IARS1: variants seen among roughly 807,000 people sequenced by gnomAD.
IARS1 encodes isoleucyl-tRNA synthetase 1, also known as isoleucine--tRNA ligase, cytoplasmic.
IARS1 carries 124 observed loss-of-function variants against 168.2 expected under a neutral mutation model. The ratio of observed to expected loss-of-function variants is 0.74; its 90% confidence interval spans 0.64 to 0.86. The LOEUF (loss-of-function observed/expected upper bound fraction) is 0.86. Among genes scored for constraint, IARS1 ranks in the 40% least tolerant of loss-of-function variants. The pLI is 0.00. For synonymous variants in IARS1, 532 were observed against 529.4 expected (o/e 1.00, Z -0.07); for missense variants, 1,452 against 1,515.8 (o/e 0.96, Z 0.70).
intron 22 of IARS1, chr9:92,251,164 G>A (rs780739593): frequency 1.7e-4 from 81 of 467,154 alleles, no homozygotes; most frequent in Non-Finnish European, 3.8e-5. Flanking sequence ...CTGTAAACTG[G>A]GGAAAATACC....
chr9:92,266,948 AG>A (rs896356246), intron 14 of IARS1, among the ~76,000 whole-genome samples: 4 of 152,216 alleles, frequency 2.6e-5, no homozygotes, highest in Admixed American at 2.0e-4. Flanking sequence ...AGACTAAAAC[AG>A]GAAGTATTTG....
Position 92,245,058 on chromosome 9 carries a change from CACA to C in IARS1, c.2802_2804del (p.Val935del). 6.2e-7 allele frequency: 1 copy of C among 1,614,086 alleles called. No individual in the cohort carries two copies. The highest frequency in any genetic ancestry group is 1.3e-5 in the African/African-American group (1 of 75,032). On this transcript the variant is annotated inframe_deletion, in exon 27 of 34. Coordinates refer to ENST00000443024, the MANE Select transcript of IARS1 (RefSeq NM_002161.6). Reference sequence around the variant, plus strand: ...CTTCATCGTGCAATTCATGGCCTTCCACAACAATGGTCCCTATGGAGAAGCAGC... The same window carrying C: ...CTTCATCGTGCAATTCATGGCCTTCCACAATGGTCCCTATGGAGAAGCAGC...
At chr9:92,260,377 C>T (rs567915353) in intron 17 of IARS1, 143 bp from the exon 18 acceptor site, 212 of 669,634 alleles carry the variant, frequency 3.2e-4, no homozygotes, top group Non-Finnish European at 4.2e-4. Context: ...GCTAATAGGC[C>T]GGGCGCGGTG....
At position 92,244,889 on chromosome 9, in the gene IARS1, C is replaced by T. The variant is rs536647507; in HGVS notation, c.2904+70G>A. 39 of 1,247,446 alleles carry T rather than the reference C, an allele frequency of 3.1e-5. No homozygotes were observed. The South Asian group carries it at 4.3e-4, about 14-fold the overall frequency. The allele number at this position is 1,247,446 out of a possible 1,614,324, so 77.3% of individuals were successfully genotyped here. ...GCTGTCAACATTATCAGGAAAGGCA[C>T]AGGCAAATACTTTCTCCTCTTATGC... On this transcript the variant is annotated intron_variant, in intron 27 of 33. Transcript: ENST00000443024.
At chr9:92,234,069 T>A (rs1827123094) in intron 30 of IARS1, among the ~76,000 whole-genome samples, 1 of 152,210 alleles carries the variant, frequency 6.6e-6, no homozygotes, top group Admixed American at 6.5e-5. Context: ...CCTAGCATCT[T>A]TTTTTAAGTG....
chr9:92,277,950 A>G (rs202246075), intron 8 of IARS1, 27 bp from the exon 9 acceptor site: 4 of 1,602,782 alleles, frequency 2.5e-6, no homozygotes, highest in South Asian at 1.1e-5. Flanking sequence ...GCAAACTCAC[A>G]ATTAGATTAA....
At chr9:92,226,176 T>C (rs1446787197) in intron 31 of IARS1, among the ~76,000 whole-genome samples, 2 of 152,234 alleles carry the variant, frequency 1.3e-5, no homozygotes, top group Admixed American at 1.3e-4. Context: ...CTTGTAGAAT[T>C]TTACTTGGTT....
At chr9:92,267,422 G>A (rs1832435549) in intron 14 of IARS1, among the ~76,000 whole-genome samples, 1 of 152,220 alleles carries the variant, frequency 6.6e-6, no homozygotes, top group African/African-American at 2.4e-5. Context: ...TTGGACAGAA[G>A]GCCAAACACA....
intron 14 of IARS1, among the ~76,000 whole-genome samples, chr9:92,266,582 A>C (rs566402111): frequency 4.1e-4 from 63 of 152,334 alleles, no homozygotes; most frequent in African/African-American, 1.4e-3. Context: ...CCAGTGTGGC[A>C]GTATTGACAG....
In IARS1 at chr9:92,242,154, CTG is replaced by C. The variant is rs930273552; in HGVS notation, c.3175_3176del (p.Gln1059ValfsTer5). Reference protein sequence around the residue: ...SDKVLIQEKTQLKGSELEITL... With the variant: ...SDKVLIQEKTXLKGSELEITL... ...TAGTTCAGTGGAACTCAGGACTCAC[CTG>C]TGTTTTTTCTTGAATAAGGACTTTA... is the stretch of plus-strand genomic sequence containing the variant. On this transcript the variant is annotated frameshift_variant and splice_region_variant, in exon 29 of 34. Coordinates refer to ENST00000443024, the MANE Select transcript of IARS1 (RefSeq NM_002161.6). LOFTEE classifies it high-confidence loss of function. 6.2e-7 allele frequency: 1 copy of C among 1,612,508 alleles called. No individual in the cohort carries two copies. Among genetic ancestry groups the C allele is most frequent in the African/African-American group, 1.3e-5 (1 of 74,876 alleles).
chr9:92,260,649 T>C (rs1011991458), intron 17 of IARS1, among the ~76,000 whole-genome samples: 1 of 152,140 alleles, frequency 6.6e-6, no homozygotes, highest in African/African-American at 2.4e-5. Context: ...AGCAAGACTC[T>C]GTCTCAAAAA....
chr9:92,231,419 T>C (rs997273897), intron 30 of IARS1, among the ~76,000 whole-genome samples: 12 of 150,990 alleles, frequency 7.9e-5, no homozygotes, highest in Non-Finnish European at 1.3e-4. Flanking sequence ...TTTTTCTTTT[T>C]TTTTTTTTTT....
chr9:92,289,020 G>A (rs1587907407), intron 2 of IARS1, among the ~76,000 whole-genome samples: 1 of 151,824 alleles, frequency 6.6e-6, no homozygotes, highest in South Asian at 2.1e-4. Flanking sequence ...ACCAGCCTGG[G>A]CAACATGGTG....
intron 23 of IARS1, 129 bp downstream of exon 23, chr9:92,250,584 T>A: frequency 9.5e-7 from 1 of 1,049,542 alleles, no homozygotes; most frequent in Non-Finnish European, 1.4e-6. Flanking sequence ...CCTGAGGAGT[T>A]CATGTCAGCT....
At chr9:92,219,826 T>G (rs1161725805) in intron 33 of IARS1, among the ~76,000 whole-genome samples, 2 of 146,462 alleles carry the variant, frequency 1.4e-5, no homozygotes, top group African/African-American at 5.2e-5. Context: ...GGTGGGACTG[T>G]AAACTAGTTC....
chr9:92,235,513 ATTTTTT>A (rs558342421), intron 30 of IARS1, among the ~76,000 whole-genome samples: 1 of 114,202 alleles, frequency 8.8e-6, no homozygotes, highest in African/African-American at 3.6e-5. Context: ...AATTACATTG[ATTTTTT>A]TTTTTTTTTT....
intron 27 of IARS1, among the ~76,000 whole-genome samples, chr9:92,244,437 A>G (rs1009739584): frequency 6.6e-6 from 1 of 152,332 alleles, no homozygotes; most frequent in South Asian, 2.1e-4. Flanking sequence ...GCGAGATCTT[A>G]CAACTATGCT....
intron 19 of IARS1, among the ~76,000 whole-genome samples, chr9:92,258,404 AC>A (rs1226502964): frequency 5.9e-5 from 9 of 152,060 alleles, no homozygotes; most frequent in Non-Finnish European, 1.2e-4. Context: ...GATCAGCCTG[AC>A]CAACATGATG....
At chr9:92,218,945 A>C (rs1839226701) in intron 33 of IARS1, among the ~76,000 whole-genome samples, 1 of 152,172 alleles carries the variant, frequency 6.6e-6, no homozygotes, top group Non-Finnish European at 1.5e-5. Flanking sequence ...TGGAACCAAA[A>C]AGGAGCCCGC....
Sources: gnomAD v4.1 joint callset for allele counts (sites outside exome capture counted in the v4.1 genomes callset) on GRCh38, gnomAD v4.1.1 for gene constraint, MANE v1.5 for transcripts, NCBI Gene and HGNC (gene_info 2026-07-23, HGNC 2026-07-21) for gene names.